ANKS1B: variants seen among roughly 807,000 people sequenced by gnomAD.
The protein encoded by ANKS1B is ankyrin repeat and sterile alpha motif domain-containing protein 1B.
A neutral mutation model predicts 148.3 loss-of-function variants in ANKS1B; 36 were observed. The observed-to-expected ratio is 0.24, with a 90% CI of 0.19 to 0.32. The LOEUF (loss-of-function observed/expected upper bound fraction) is 0.32, where lower values mean the gene tolerates loss of function less well. Ranked by LOEUF, ANKS1B falls within the 10% of genes least tolerant of loss-of-function variation. ANKS1B has a pLI of 1.00. For synonymous variants in ANKS1B, 542 were observed against 560.8 expected, an observed-to-expected ratio of 0.97 and a Z score of 0.47; for missense variants, 1,157 against 1,542.6, an observed-to-expected ratio of 0.75 and a Z score of 4.19.
At chr12:99,000,991 G>A (rs552917867) in intron 17 of ANKS1B, among the ~76,000 whole-genome samples, 4 of 152,036 alleles carry the variant, frequency 2.6e-5, no homozygotes, top group South Asian at 4.2e-4. Flanking sequence ...GTGTGCGCGC[G>A]TGCATGTGTG....
At chr12:99,709,173 C>T (rs987082009) in intron 8 of ANKS1B, among the ~76,000 whole-genome samples, 3 of 152,134 alleles carry the variant, frequency 2.0e-5, no homozygotes, top group South Asian at 2.1e-4. Context: ...CATAAGCACA[C>T]GCAAGCTTGT....
chr12:99,023,393 G>A lies in ANKS1B; in HGVS notation c.2778+29764C>T, dbSNP rs1033653797. On this transcript the variant is annotated intron_variant, in intron 17 of 26. Coordinates refer to ENST00000683438, the MANE Select transcript of ANKS1B (RefSeq NM_001352186.2). ...CATTCTTATTCTTGAATTTTAGATA[G>A]CTGGGTATAAATCCTTTGAAGACAC... is the stretch of plus-strand genomic sequence containing the variant. Among the ~76,000 whole-genome samples, 83 of 152,044 alleles carry A rather than the reference G, an allele frequency of 5.5e-4. 1 individual carries two copies. Among genetic ancestry groups the A allele is most frequent in the African/African-American group, 2.0e-3 (81 of 41,406 alleles).
chr12:99,098,906 A>AT (rs71081897), intron 15 of ANKS1B, among the ~76,000 whole-genome samples: 85,306 of 150,928 alleles, frequency 0.57, 24,939 homozygotes, highest in East Asian at 0.75. Context: ...GTTCTTCCTA[A>AT]TTTTTTTCTT....
intron 1 of ANKS1B, among the ~76,000 whole-genome samples, chr12:99,872,562 A>G (rs2091647252): frequency 6.7e-6 from 1 of 149,618 alleles, no homozygotes; most frequent in African/African-American, 2.6e-5. Context: ...TATTTAGACA[A>G]CAACAAAAAC....
At chr12:99,482,385 A>G (rs1330478562) in intron 10 of ANKS1B, among the ~76,000 whole-genome samples, 2 of 151,940 alleles carry the variant, frequency 1.3e-5, no homozygotes, top group African/African-American at 2.4e-5. Context: ...CCATTTGTCT[A>G]TGTGCCTACT....
intron 8 of ANKS1B, among the ~76,000 whole-genome samples, chr12:99,740,258 C>G (rs761447297): frequency 6.6e-6 from 1 of 152,008 alleles, no homozygotes; most frequent in Non-Finnish European, 1.5e-5. Context: ...TAGAGTGATC[C>G]ATGATCACAC....
chr12:99,739,945 C>T (rs1482697062), intron 8 of ANKS1B, among the ~76,000 whole-genome samples: 1 of 152,154 alleles, frequency 6.6e-6, no homozygotes, highest in Non-Finnish European at 1.5e-5. Context: ...TACATATTTT[C>T]ACATTTTTAC....
In ANKS1B at chr12:99,856,345, C is replaced by A. The variant is rs1459657246; in HGVS notation, c.135-30956G>T. ...GGATAAATTCCTGGAAATATACAGC[C>A]CTCCTACATTAAACCAAGAAGTAGA... On this transcript the variant is annotated intron_variant, in intron 1 of 26. Transcript: ENST00000683438. Among the ~76,000 whole-genome samples, 3 of 151,960 alleles carry A rather than the reference C, an allele frequency of 2.0e-5. No homozygotes were observed. The East Asian group carries it at 5.8e-4, about 29-fold the overall frequency.
chr12:99,675,231 TAA>T (rs1388582923), intron 8 of ANKS1B, among the ~76,000 whole-genome samples: 1 of 152,012 alleles, frequency 6.6e-6, no homozygotes, highest in East Asian at 1.9e-4. Flanking sequence ...TTATCTATAC[TAA>T]GAGAATAAAT....
At chr12:99,952,730 G>T (rs963361334) in intron 1 of ANKS1B, among the ~76,000 whole-genome samples, 1 of 152,132 alleles carries the variant, frequency 6.6e-6, no homozygotes, top group Non-Finnish European at 1.5e-5. Context: ...TAAAGGGTTT[G>T]CATCTCATCA....
At chr12:99,589,977 A>G (rs1210286032) in intron 9 of ANKS1B, among the ~76,000 whole-genome samples, 1 of 152,152 alleles carries the variant, frequency 6.6e-6, no homozygotes, top group African/African-American at 2.4e-5. Flanking sequence ...ACTAAAAATA[A>G]AAACATTTTT....
chr12:99,440,771 C>T (rs1336140877), intron 11 of ANKS1B, among the ~76,000 whole-genome samples: 2 of 151,758 alleles, frequency 1.3e-5, no homozygotes, highest in Non-Finnish European at 2.9e-5. Context: ...AGGACTCCTT[C>T]GTTACAATGG....
At chr12:99,091,756 T>C (rs1214574261) in intron 15 of ANKS1B, among the ~76,000 whole-genome samples, 1 of 151,808 alleles carries the variant, frequency 6.6e-6, no homozygotes. Flanking sequence ...TCAGGCACTG[T>C]TCTAAATACC....
At chr12:99,597,546 C>A (rs1194287246) in intron 9 of ANKS1B, among the ~76,000 whole-genome samples, 1 of 151,890 alleles carries the variant, frequency 6.6e-6, no homozygotes, top group African/African-American at 2.4e-5. Flanking sequence ...GAATAAAGTA[C>A]AAAGTAATGC....
At chr12:99,276,846 G>A (rs768872695) in intron 12 of ANKS1B, among the ~76,000 whole-genome samples, 11 of 152,152 alleles carry the variant, frequency 7.2e-5, no homozygotes, top group Non-Finnish European at 1.6e-4. Flanking sequence ...AGTAGAGAAA[G>A]GTGAAGGCTC....
chr12:99,946,282 C>T (rs987150429), intron 1 of ANKS1B, among the ~76,000 whole-genome samples: 3 of 152,294 alleles, frequency 2.0e-5, no homozygotes, highest in Non-Finnish European at 2.9e-5. Context: ...TGACCTTTAT[C>T]AGATATGTAA....
At chr12:98,771,085 T>C (rs967845180) in intron 25 of ANKS1B, among the ~76,000 whole-genome samples, 8 of 152,182 alleles carry the variant, frequency 5.3e-5, no homozygotes, top group African/African-American at 1.9e-4. Flanking sequence ...TTTTCCAAGT[T>C]TGTAATATAT....
chr12:99,372,302 TA>T (rs935920878), intron 12 of ANKS1B, among the ~76,000 whole-genome samples: 8 of 147,928 alleles, frequency 5.4e-5, no homozygotes, highest in African/African-American at 7.4e-5. Context: ...AAATATGTCT[TA>T]AAAAAAAAAC....
intron 17 of ANKS1B, among the ~76,000 whole-genome samples, chr12:98,850,763 G>C (rs753130554): frequency 7.0e-6 from 1 of 142,194 alleles, no homozygotes; most frequent in African/African-American, 2.6e-5. Flanking sequence ...CACCGCACCC[G>C]GCCCAGAGAG....
Sources: allele counts gnomAD v4.1 joint callset (sites outside exome capture counted in the v4.1 genomes callset), GRCh38; gene constraint gnomAD v4.1.1; transcripts MANE v1.5; gene names NCBI Gene and HGNC (gene_info 2026-07-23, HGNC 2026-07-21).